The following TCF7L2 variants were observed in gnomAD, a reference collection of about 807,000 sequenced individuals.
TCF7L2 encodes the protein transcription factor 7 like 2.
Under a neutral mutation model 77.9 loss-of-function variants are expected in TCF7L2, and 23 were observed. The observed-to-expected ratio is 0.30, with a 90% CI of 0.21 to 0.42. The LOEUF (loss-of-function observed/expected upper bound fraction) is 0.42, where lower values mean the gene tolerates loss of function less well. Among genes scored for constraint, TCF7L2 ranks in the 10% least tolerant of loss-of-function variants. The pLI, the probability that TCF7L2 is intolerant of heterozygous loss-of-function variation, is 1.00. For synonymous variants in TCF7L2, 413 were observed against 340.2 expected (o/e 1.21, Z -2.36); for missense variants, 654 against 793.1 (o/e 0.82, Z 2.11).
At chr10:112,955,430 T>G (rs1488968045) in intron 3 of TCF7L2, among the ~76,000 whole-genome samples, 1 of 152,212 alleles carries the variant, frequency 6.6e-6, no homozygotes, top group East Asian at 1.9e-4. Flanking sequence ...CAATAAGTCA[T>G]ATTTTAATGA....
intron 4 of TCF7L2, among the ~76,000 whole-genome samples, chr10:112,984,099 A>T (rs1028529277): frequency 3.3e-5 from 5 of 152,176 alleles, no homozygotes; most frequent in African/African-American, 1.2e-4. Flanking sequence ...TTTGGGATCT[A>T]TTTATTGCTA....
chr10:113,052,161 C>A (rs909162990), intron 5 of TCF7L2, among the ~76,000 whole-genome samples: 1 of 152,180 alleles, frequency 6.6e-6, no homozygotes, highest in African/African-American at 2.4e-5. Context: ...GAAGATCCTG[C>A]AGCCCCGAAA....
chr10:113,044,190 T>C (rs1172959464), intron 5 of TCF7L2, among the ~76,000 whole-genome samples: 1 of 152,158 alleles, frequency 6.6e-6, no homozygotes, highest in African/African-American at 2.4e-5. Context: ...CAGACTGTGG[T>C]GGTGTACTTT....
intron 5 of TCF7L2, among the ~76,000 whole-genome samples, chr10:113,067,714 C>A (rs1384636472): frequency 1.3e-5 from 2 of 152,136 alleles, no homozygotes; most frequent in Non-Finnish European, 2.9e-5. Flanking sequence ...CAGTTAGAAA[C>A]TTGCCATGTG....
At chr10:113,126,943 C>G (rs1164984000) in intron 5 of TCF7L2, 3 of 984,006 alleles carry the variant, frequency 3.0e-6, no homozygotes. Flanking sequence ...CGCTGCATCC[C>G]GCGCGCCTGC....
intron 5 of TCF7L2, among the ~76,000 whole-genome samples, chr10:113,050,385 G>C (rs1022980840): frequency 6.6e-6 from 1 of 152,086 alleles, no homozygotes; most frequent in African/African-American, 2.4e-5. Flanking sequence ...TCCCAGAGGT[G>C]GGGGTGTTAT....
At chr10:113,025,578 G>C (rs2049005278) in intron 4 of TCF7L2, among the ~76,000 whole-genome samples, 1 of 151,886 alleles carries the variant, frequency 6.6e-6, no homozygotes, top group South Asian at 2.1e-4. Context: ...ACAGGGTTTC[G>C]CTATGTTGCC....
intron 5 of TCF7L2, among the ~76,000 whole-genome samples, chr10:113,052,918 T>C (rs893824329): frequency 2.6e-5 from 4 of 152,200 alleles, no homozygotes; most frequent in African/African-American, 4.8e-5. Flanking sequence ...TATCTAAACT[T>C]TTAATTTGGA....
At chr10:113,136,475 A>C (rs1486160274) in intron 5 of TCF7L2, among the ~76,000 whole-genome samples, 1 of 152,188 alleles carries the variant, frequency 6.6e-6, no homozygotes, top group Non-Finnish European at 1.5e-5. Flanking sequence ...TCATGTTTTC[A>C]GAGTTCAGTA....
chr10:113,079,314 C>T (rs1421589172), intron 5 of TCF7L2, among the ~76,000 whole-genome samples: 2 of 152,198 alleles, frequency 1.3e-5, no homozygotes, highest in Non-Finnish European at 2.9e-5. Context: ...ATTTGCCACA[C>T]GGACTCCTGC....
chr10:112,959,856 TAAAA>T (rs555052747), intron 3 of TCF7L2, among the ~76,000 whole-genome samples: 6 of 151,902 alleles, frequency 3.9e-5, no homozygotes, highest in Non-Finnish European at 8.8e-5. Flanking sequence ...TTAGGTATAC[TAAAA>T]AAAAGTATTT....
intron 5 of TCF7L2, among the ~76,000 whole-genome samples, chr10:113,127,690 T>C (rs1301227241): frequency 6.6e-6 from 1 of 152,060 alleles, no homozygotes; most frequent in Non-Finnish European, 1.5e-5. Context: ...CGTGGTGTAC[T>C]TCTGACAAAC....
At chr10:112,995,046 A>G (rs2043214208) in intron 4 of TCF7L2, among the ~76,000 whole-genome samples, 1 of 152,116 alleles carries the variant, frequency 6.6e-6, no homozygotes, top group Non-Finnish European at 1.5e-5. Context: ...GGTTGCAGTG[A>G]GCGGAGATCA....
At chr10:113,073,203 G>T (rs1467283234) in intron 5 of TCF7L2, among the ~76,000 whole-genome samples, 1 of 151,616 alleles carries the variant, frequency 6.6e-6, no homozygotes, top group East Asian at 1.9e-4. Flanking sequence ...CAGACATCCT[G>T]TGTGGTCCAC....
In TCF7L2 at chr10:113,037,058, C is replaced by T. The variant is rs376998789; in HGVS notation, c.451-2967C>T. Reference sequence around the variant, plus strand: ...CTCCAGGAAGGAAAAAAATTTTCCTCTAGGCTGTAATAGTACCTAATTTCC... The same window carrying T: ...CTCCAGGAAGGAAAAAAATTTTCCTTTAGGCTGTAATAGTACCTAATTTCC... On this transcript the variant is annotated intron_variant, in intron 4 of 13. Coordinates refer to ENST00000627217, the MANE Select transcript of TCF7L2 (RefSeq NM_001146274.2). 1.8e-4 allele frequency among the ~76,000 whole-genome samples: 27 copies of T among 152,122 alleles called. 2 individuals are homozygous for T. Among genetic ancestry groups the T allele is most frequent in the Admixed American group, 1.4e-3 (22 of 15,276 alleles).
At position 113,161,762 on chromosome 10, in the gene TCF7L2, C is replaced by T. The variant is rs114887151; in HGVS notation, c.1391+1071C>T. On this transcript the variant is annotated intron_variant, in intron 13 of 13. Coordinates refer to ENST00000627217, the MANE Select transcript of TCF7L2 (RefSeq NM_001146274.2). ...GCCCACGAGTCTCCTGTGTCTCTTC[C>T]CCCCTTCTCTGATGCCAATACGAGA... Among the ~76,000 whole-genome samples, 2,264 of 152,300 alleles carry T rather than the reference C, an allele frequency of 0.015. 57 individuals are homozygous for T. The highest frequency in any genetic ancestry group is 0.052 in the African/African-American group (2,155 of 41,540).
intron 5 of TCF7L2, among the ~76,000 whole-genome samples, chr10:113,044,912 G>A (rs2053156818): frequency 6.6e-6 from 1 of 152,152 alleles, no homozygotes; most frequent in Non-Finnish European, 1.5e-5. Flanking sequence ...GAGCAGGTTG[G>A]CTGTTTCTGT....
At chr10:113,122,484 A>G (rs1022247817) in intron 5 of TCF7L2, among the ~76,000 whole-genome samples, 2 of 152,246 alleles carry the variant, frequency 1.3e-5, no homozygotes, top group East Asian at 3.8e-4. Context: ...TCTGTGTAGT[A>G]CATTCTCATT....
chr10:113,080,174 A>G (rs1176354714), intron 5 of TCF7L2, among the ~76,000 whole-genome samples: 1 of 152,014 alleles, frequency 6.6e-6, no homozygotes, highest in Non-Finnish European at 1.5e-5. Flanking sequence ...TAATAAAGTT[A>G]TAAATGTCTG....
Sources: allele counts gnomAD v4.1 joint callset (sites outside exome capture counted in the v4.1 genomes callset), GRCh38; gene constraint gnomAD v4.1.1; transcripts MANE v1.5; gene names NCBI Gene and HGNC (gene_info 2026-07-23, HGNC 2026-07-21).